PMFBP1: variants seen among roughly 807,000 people sequenced by gnomAD.
PMFBP1 encodes the protein polyamine-modulated factor 1-binding protein 1.
In PMFBP1, 131 loss-of-function variants were observed where a neutral mutation model predicts 137.8. The ratio of observed to expected loss-of-function variants is 0.95; its 90% CI spans 0.82 to 1.10. The LOEUF (loss-of-function observed/expected upper bound fraction) is 1.10. Ranked by LOEUF, PMFBP1 falls within the 50% of genes least tolerant of loss-of-function variation. PMFBP1 has a pLI of 0.00. For synonymous variants in PMFBP1, 490 were observed against 450.4 expected (o/e 1.09, Z -1.11); for missense variants, 1,199 against 1,175.4 (o/e 1.02, Z -0.29).
intron 7 of PMFBP1, among the ~76,000 whole-genome samples, chr16:72,137,134 G>C (rs1256569177): frequency 1.3e-5 from 2 of 152,114 alleles, no homozygotes; most frequent in Admixed American, 1.3e-4. Context: ...TAAAACAAAA[G>C]GATATTGCAG....
Position 72,125,983 on chromosome 16 carries a change from TG to T in PMFBP1, c.2237del (p.Thr746AsnfsTer10). 1 of 1,614,180 alleles carries T rather than the reference TG, an allele frequency of 6.2e-7. No individual in the cohort carries two copies. The highest frequency in any genetic ancestry group is 1.1e-5 in the South Asian group (1 of 91,074). ...GTGGCCTCACCTTCTCGAGGGCTTG[TG>T]TCAGGTCATCCTGGCAGGCGGCTGA... Reference protein sequence around the residue: ...RKSAACQDDLTQALEKLNHVT... With the variant: ...RKSAACQDDLXQALEKLNHVT... On this transcript the variant is annotated frameshift_variant, in exon 15 of 21. Transcript: ENST00000237353. LOFTEE classifies it high-confidence loss of function.
chr16:72,160,501 A>G (rs759689031), intron 3 of PMFBP1, among the ~76,000 whole-genome samples: 33 of 152,150 alleles, frequency 2.2e-4, no homozygotes, highest in Non-Finnish European at 4.3e-4. Flanking sequence ...TTTTCAAAAT[A>G]CTTTTTAACC....
the PMFBP1 span, among the ~76,000 whole-genome samples, chr16:72,190,201 C>T: frequency 7.7e-4 from 117 of 152,214 alleles, no homozygotes; most frequent in African/African-American, 2.6e-3. Flanking sequence ...ATCTCCTGAC[C>T]TTTGTTAGTT....
intron 7 of PMFBP1, 64 bp from the exon 8 acceptor site, chr16:72,136,883 T>C: frequency 1.9e-6 from 3 of 1,602,162 alleles, no homozygotes; most frequent in Non-Finnish European, 2.6e-6. Context: ...CTTTCTAAAA[T>C]GCCCAGCATC....
At chr16:72,148,037 T>C (rs1267117163) in intron 5 of PMFBP1, among the ~76,000 whole-genome samples, 2 of 152,092 alleles carry the variant, frequency 1.3e-5, no homozygotes, top group Non-Finnish European at 2.9e-5. Context: ...ACCCAAAGGA[T>C]TATAAGTAAT....
intron 20 of PMFBP1, 178 bp downstream of exon 20, chr16:72,119,673 G>A (rs1342348625): frequency 2.8e-6 from 4 of 1,452,228 alleles, no homozygotes; most frequent in African/African-American, 2.9e-5. Flanking sequence ...TAGATCAGAA[G>A]GGGTCTTAAT....
chr16:72,235,089 G>A, the PMFBP1 span, among the ~76,000 whole-genome samples: 1 of 152,124 alleles, frequency 6.6e-6, no homozygotes, highest in South Asian at 2.1e-4. Flanking sequence ...CATGCTTTTG[G>A]TGTCATAACT....
intron 17 of PMFBP1, 89 bp downstream of exon 17, chr16:72,124,678 C>G (rs1398255505): frequency 6.7e-7 from 1 of 1,488,244 alleles, no homozygotes; most frequent in South Asian, 1.3e-5. Flanking sequence ...GCTCTCCCAC[C>G]CCCACCAAGG....
At chr16:72,154,117 C>G in intron 4 of PMFBP1, 94 bp downstream of exon 4, 2 of 1,491,642 alleles carry the variant, frequency 1.3e-6, no homozygotes, top group Non-Finnish European at 1.8e-6. Flanking sequence ...TTGCAAAGCT[C>G]TCCTAAGTCC....
chr16:72,206,695 G>C, the PMFBP1 span, among the ~76,000 whole-genome samples: 1 of 152,180 alleles, frequency 6.6e-6, no homozygotes, highest in Non-Finnish European at 1.5e-5. Flanking sequence ...TGGTTTGAGA[G>C]TCCACACTGT....
upstream of PMFBP1, among the ~76,000 whole-genome samples, chr16:72,174,437 G>T (rs1428063194): frequency 6.6e-6 from 1 of 152,102 alleles, no homozygotes; most frequent in Non-Finnish European, 1.5e-5. Flanking sequence ...AGATTTTGAG[G>T]TCCCAGTTTG....
intron 12 of PMFBP1, 121 bp downstream of exon 12, chr16:72,130,092 T>C: frequency 3.0e-6 from 4 of 1,344,722 alleles, no homozygotes; most frequent in Non-Finnish European, 4.1e-6. Context: ...TGGGCTCAAG[T>C]GATCTGCCTG....
chr16:72,180,417 T>C (rs186964930), upstream of PMFBP1, among the ~76,000 whole-genome samples: 5 of 152,244 alleles, frequency 3.3e-5, no homozygotes, highest in East Asian at 9.7e-4. Context: ...TCCAACATCA[T>C]GTCTCATTGC....
chr16:72,130,306 A>T lies in PMFBP1; in HGVS notation c.1689T>A (p.Leu563=), dbSNP rs1395884537. ...GCCTCTTTTCCTTGTCTGAATTTTCAAGCTTCCTCAGGGCTTCAGAGAGTT... is the reference window on the plus strand; with the variant it reads ...GCCTCTTTTCCTTGTCTGAATTTTCTAGCTTCCTCAGGGCTTCAGAGAGTT... ...SLELSEALRK[L]ENSDKEKRQL... is the part of the protein sequence containing the mutation. The change falls in exon 12 of 21, where the codon CTT becomes CTA. Residue 563 remains leucine (L), a synonymous_variant. Transcript: ENST00000237353. 1 of 1,614,132 alleles carries T rather than the reference A, an allele frequency of 6.2e-7. No homozygotes were observed. The highest frequency in any genetic ancestry group is 1.3e-5 in the African/African-American group (1 of 75,002).
chr16:72,191,550 A>G, the PMFBP1 span, among the ~76,000 whole-genome samples: 1 of 152,238 alleles, frequency 6.6e-6, no homozygotes, highest in South Asian at 2.1e-4. Flanking sequence ...TCTCCTTTAA[A>G]AATAGGCTAT....
Position 72,129,136 on chromosome 16 carries a change from T to G in PMFBP1, c.1880A>C (p.Lys627Thr). 1 of 1,614,264 alleles carries G rather than the reference T, an allele frequency of 6.2e-7. No individual in the cohort carries two copies. Among genetic ancestry groups the G allele is most frequent in the South Asian group, 1.1e-5 (1 of 91,088 alleles). Residue 627 changes from lysine (K) to threonine (T), a missense_variant, in exon 13 of 21, where the codon AAA becomes ACA. Transcript: ENST00000237353. Reference sequence around the variant, plus strand: ...TCCCTCCATCAGCTTCTCATGCTCTTTGCTCTTCTTCAACTGCTCCCGTTT... The same window carrying G: ...TCCCTCCATCAGCTTCTCATGCTCTGTGCTCTTCTTCAACTGCTCCCGTTT... ...EDKREQLKKSKEHEKLMEGEL... is the reference protein window; with the variant it reads ...EDKREQLKKSTEHEKLMEGEL...
chr16:72,129,224 G>A lies in PMFBP1; in HGVS notation c.1792C>T (p.Gln598Ter), dbSNP rs753011801. 2 of 1,611,090 alleles carry A rather than the reference G, an allele frequency of 1.2e-6. No individual in the cohort carries two copies. The highest frequency in any genetic ancestry group is 2.2e-5 in the South Asian group (2 of 90,896). The change falls in exon 13 of 21, where the codon CAA (glutamine) becomes TAA (stop). Residue 598 changes from glutamine (Q) to a stop codon, truncating the protein, a stop_gained. Transcript: ENST00000237353. LOFTEE classifies it high-confidence loss of function. ...LDRIKHQHRE[Q>*]GSIKCKLEED... Reference sequence around the variant, plus strand: ...TCTAACTTGCATTTGATGGAGCCTTGCTCCCTGTGCTGAAAAAATAAAGAC... The same window carrying A: ...TCTAACTTGCATTTGATGGAGCCTTACTCCCTGTGCTGAAAAAATAAAGAC...
the PMFBP1 span, among the ~76,000 whole-genome samples, chr16:72,200,642 A>G: frequency 1.3e-5 from 2 of 152,276 alleles, no homozygotes; most frequent in African/African-American, 4.8e-5. Context: ...CTGTGCTATT[A>G]TGCTAATATC....
intron 3 of PMFBP1, among the ~76,000 whole-genome samples, chr16:72,159,495 T>A (rs557209162): frequency 6.6e-6 from 1 of 152,204 alleles, no homozygotes; most frequent in Non-Finnish European, 1.5e-5. Context: ...GCACCCAACC[T>A]AATTTGCCTG....
Sources: allele counts gnomAD v4.1 joint callset (sites outside exome capture counted in the v4.1 genomes callset), GRCh38; gene constraint gnomAD v4.1.1; transcripts MANE v1.5; gene names NCBI Gene and HGNC (gene_info 2026-07-23, HGNC 2026-07-21).